The following PARD3B variants were observed in gnomAD, a reference collection of about 807,000 sequenced individuals.
PARD3B encodes the protein partitioning defective 3 homolog B.
A neutral mutation model predicts 130.2 loss-of-function variants in PARD3B; 103 were observed. The observed-to-expected ratio is 0.79, with a 90% CI of 0.67 to 0.93. The LOEUF is 0.93. Among genes scored for constraint, PARD3B ranks in the 40% least tolerant of loss-of-function variants. The pLI, the probability that PARD3B is intolerant of heterozygous loss-of-function variation, is 0.00. For missense variants in PARD3B, 1,609 were observed against 1,499.2 expected, an observed-to-expected ratio of 1.07 and a Z score of -1.21; for synonymous variants, 583 against 553.2, an observed-to-expected ratio of 1.05 and a Z score of -0.76.
chr2:204,772,491 C>A (rs1253433984), intron 2 of PARD3B, among the ~76,000 whole-genome samples: 2 of 152,116 alleles, frequency 1.3e-5, no homozygotes, highest in Non-Finnish European at 1.5e-5. Flanking sequence ...TGGTTTTAAT[C>A]AAATATTTTG....
At chr2:205,332,674 T>C (rs1286496744) in intron 18 of PARD3B, among the ~76,000 whole-genome samples, 1 of 152,178 alleles carries the variant, frequency 6.6e-6, no homozygotes, top group African/African-American at 2.4e-5. Context: ...TCAAGACGGC[T>C]TCCCCTCTTC....
At chr2:204,661,753 T>C (rs977867678) in intron 1 of PARD3B, among the ~76,000 whole-genome samples, 4 of 152,228 alleles carry the variant, frequency 2.6e-5, no homozygotes, top group African/African-American at 9.6e-5. Flanking sequence ...AGAAAATAAC[T>C]ATCTTCTAAG....
chr2:204,614,802 C>G (rs1005766910), intron 1 of PARD3B, among the ~76,000 whole-genome samples: 1 of 152,148 alleles, frequency 6.6e-6, no homozygotes, highest in East Asian at 1.9e-4. Flanking sequence ...TCCCGCTTCA[C>G]CTTCTGCCAT....
At chr2:205,337,156 A>G (rs2043343495) in intron 18 of PARD3B, among the ~76,000 whole-genome samples, 1 of 152,218 alleles carries the variant, frequency 6.6e-6, no homozygotes, top group Non-Finnish European at 1.5e-5. Flanking sequence ...AACCAAATAC[A>G]TGCTTCACAG....
chr2:204,595,301 TA>T lies in PARD3B; in HGVS notation c.120+49185del, dbSNP rs1210167032. On this transcript the variant is annotated intron_variant, in intron 1 of 22. Transcript: ENST00000406610. ...CGGGCAGTGGAAACACTTCTCTGTC[TA>T]AACCATTGACAGTGGACCTCATGAT... Among the ~76,000 whole-genome samples the T allele has an allele frequency of 2.6e-5, 4 of 152,344 alleles. No individual in the cohort carries two copies. In the East Asian group the frequency reaches 5.8e-4, roughly 22 times the overall value.
At chr2:204,630,508 A>G (rs1352459217) in intron 1 of PARD3B, among the ~76,000 whole-genome samples, 4 of 151,978 alleles carry the variant, frequency 2.6e-5, no homozygotes, top group African/African-American at 9.7e-5. Flanking sequence ...GAACAATTGG[A>G]TGTTATTTTA....
intron 2 of PARD3B, among the ~76,000 whole-genome samples, chr2:204,902,716 G>C (rs1016632941): frequency 3.3e-5 from 5 of 149,384 alleles, no homozygotes; most frequent in Non-Finnish European, 7.4e-5. Flanking sequence ...TTTGTTCCTA[G>C]AGTTATCTCC....
intron 1 of PARD3B, among the ~76,000 whole-genome samples, chr2:204,580,254 CTCTT>C (rs2032482229): frequency 1.3e-5 from 2 of 152,224 alleles, no homozygotes; most frequent in African/African-American, 4.8e-5. Context: ...TACTTTCTCT[CTCTT>C]GTTCCATCCT....
Position 204,726,544 on chromosome 2 carries a change from A to G in PARD3B, c.222+40262A>G, listed in dbSNP as rs112611751. Among the ~76,000 whole-genome samples, 629 of 152,242 alleles carry G rather than the reference A, an allele frequency of 4.1e-3. 6 individuals are homozygous for G. Among genetic ancestry groups the G allele is most frequent in the African/African-American group, 0.014 (595 of 41,554 alleles). On this transcript the variant is annotated intron_variant, in intron 2 of 22. Coordinates refer to ENST00000406610, the MANE Select transcript of PARD3B (RefSeq NM_001302769.2). ...ACCTCAAAGCCCCAGTGAAGCCCCAACCGCATCTCTAACCTTTTACCTCTT... is the reference window on the plus strand; with the variant it reads ...ACCTCAAAGCCCCAGTGAAGCCCCAGCCGCATCTCTAACCTTTTACCTCTT...
intron 2 of PARD3B, among the ~76,000 whole-genome samples, chr2:204,717,651 G>A (rs1417924410): frequency 6.6e-6 from 1 of 152,200 alleles, no homozygotes; most frequent in Non-Finnish European, 1.5e-5. Flanking sequence ...ACTGCAGTGA[G>A]AGCCACGGTC....
At chr2:205,547,258 A>G (rs1343304290) in intron 21 of PARD3B, among the ~76,000 whole-genome samples, 1 of 152,150 alleles carries the variant, frequency 6.6e-6, no homozygotes, top group East Asian at 1.9e-4. Flanking sequence ...AGAAAACTAG[A>G]AAGGTTTTCA....
rs185553883 is a variant in PARD3B at position 204,611,557 on chromosome 2, G to C, written c.120+65438G>C. 2.0e-4 allele frequency among the ~76,000 whole-genome samples: 30 copies of C among 152,152 alleles called. No individual in the cohort carries two copies. The East Asian group carries it at 5.8e-3, about 29-fold the overall frequency. On this transcript the variant is annotated intron_variant, in intron 1 of 22. Coordinates refer to ENST00000406610, the MANE Select transcript of PARD3B (RefSeq NM_001302769.2). ...TAAAAAGTCTGTTTTAAAGTTATACGACCTCTCCTGTTCTTCCTCATCTCC... is the reference window on the plus strand; with the variant it reads ...TAAAAAGTCTGTTTTAAAGTTATACCACCTCTCCTGTTCTTCCTCATCTCC...
chr2:204,753,093 G>A (rs527250304), intron 2 of PARD3B, among the ~76,000 whole-genome samples: 1 of 152,260 alleles, frequency 6.6e-6, no homozygotes, highest in South Asian at 2.1e-4. Context: ...CTAGACAGAA[G>A]GTGTAATGTA....
In PARD3B at chr2:204,965,216, C is replaced by T. The variant is rs1359912075; in HGVS notation, c.287C>T (p.Ala96Val). The T allele has an allele frequency of 6.2e-7, 1 of 1,613,812 alleles. No homozygotes were observed. The highest frequency in any genetic ancestry group is 1.7e-5 in the Admixed American group (1 of 59,958). The part of the protein sequence containing the change: ...HKIESPSGNP[A>V]DRQSPDAFET... ...ATTGAGAGCCCCAGTGGAAACCCTG[C>T]AGATCGGCAGAGCCCAGATGCTTTT... Residue 96 changes from alanine (A) to valine (V), a missense_variant, in exon 3 of 23, where the codon GCA becomes GTA. Ala to Val is a moderately conservative substitution (Grantham distance 64). Transcript: ENST00000406610.
rs1008276614 is a variant in PARD3B, at chr2:204,561,390, C to T, written c.120+15271C>T. ...TTGTTCCTCCGGACCCGCTCTTGTC[C>T]CTTTTCCAGTCCCCTCTGTGACCCA... On this transcript the variant is annotated intron_variant, in intron 1 of 22. Transcript: ENST00000406610. Among the ~76,000 whole-genome samples, 3 of 152,118 alleles carry T rather than the reference C, an allele frequency of 2.0e-5. No individual in the cohort carries two copies. In the East Asian group the frequency reaches 5.8e-4, roughly 29 times the overall value.
intron 15 of PARD3B, among the ~76,000 whole-genome samples, chr2:205,222,347 C>G (rs917564603): frequency 2.0e-5 from 3 of 152,116 alleles, no homozygotes; most frequent in Non-Finnish European, 2.9e-5. Context: ...AAGTCAGGAA[C>G]CCTTCAGATC....
chr2:205,070,778 T>G (rs1700680019), intron 4 of PARD3B, among the ~76,000 whole-genome samples: 1 of 152,210 alleles, frequency 6.6e-6, no homozygotes, highest in South Asian at 2.1e-4. Flanking sequence ...GGTAATCATT[T>G]GTGAACTAAC....
At chr2:205,031,077 A>C (rs755024153) in intron 3 of PARD3B, among the ~76,000 whole-genome samples, 22 of 152,174 alleles carry the variant, frequency 1.4e-4, no homozygotes, top group Non-Finnish European at 2.1e-4. Context: ...GATAGACTTC[A>C]AGAACACAAC....
At chr2:205,076,691 G>A (rs533074400) in intron 4 of PARD3B, among the ~76,000 whole-genome samples, 18 of 152,142 alleles carry the variant, frequency 1.2e-4, no homozygotes, top group Admixed American at 1.1e-3. Context: ...GTGAACTGTG[G>A]ATCTAGGTTG....
Sources: gnomAD v4.1 joint callset for allele counts (sites outside exome capture counted in the v4.1 genomes callset) on GRCh38, gnomAD v4.1.1 for gene constraint, MANE v1.5 for transcripts, NCBI Gene and HGNC (gene_info 2026-07-23, HGNC 2026-07-21) for gene names.